Variants in TRPM3 observed in about 807,000 individuals in gnomAD.
TRPM3 encodes the protein long transient receptor potential channel 3.
TRPM3 carries 77 observed loss-of-function variants against 181.2 expected under a neutral mutation model. The observed-to-expected ratio is 0.42, with a 90% CI of 0.35 to 0.51. TRPM3 has a LOEUF of 0.51. Ranked by LOEUF, TRPM3 falls within the 20% of genes least tolerant of loss-of-function variation. The pLI, the probability that TRPM3 is intolerant of heterozygous loss-of-function variation, is 0.01. For synonymous variants in TRPM3, 745 were observed against 796.4 expected, an observed-to-expected ratio of 0.94 and a Z score of 1.09; for missense variants, 1,759 against 2,196.7, an observed-to-expected ratio of 0.80 and a Z score of 3.98.
chr9:71,279,923 AC>A (rs1403338014), intron 1 of TRPM3, among the ~76,000 whole-genome samples: 3 of 152,096 alleles, frequency 2.0e-5, no homozygotes, highest in Non-Finnish European at 4.4e-5. Context: ...ACTAAAAAAT[AC>A]AAAAATTAGC....
At position 70,548,970 on chromosome 9, in the gene TRPM3, A is replaced by G. The variant is rs575461640; in HGVS notation, c.3707+572T>C. Among the ~76,000 whole-genome samples the G allele has an allele frequency of 7.9e-5, 12 of 152,258 alleles. No homozygotes were observed. In the South Asian group the frequency reaches 1.5e-3, roughly 18 times the overall value. The stretch of plus-strand genomic sequence containing the variant: ...GAGATCTAAATGTATATAACCATTC[A>G]GTAGAAAAATCTGCTTTTATTATTT... On this transcript the variant is annotated intron_variant, in intron 25 of 25. Coordinates refer to ENST00000677713, the MANE Select transcript of TRPM3 (RefSeq NM_001366145.2).
chr9:70,681,149 C>T (rs2134236152), intron 9 of TRPM3, among the ~76,000 whole-genome samples: 1 of 152,148 alleles, frequency 6.6e-6, no homozygotes, highest in East Asian at 1.9e-4. Context: ...CATATACTCA[C>T]ACATATGCCA....
chr9:70,536,364 A>G lies in TRPM3; in HGVS notation c.4749T>C (p.Gly1583=). The G allele has an allele frequency of 6.2e-7, 1 of 1,613,578 alleles. No homozygotes were observed. Among genetic ancestry groups the G allele is most frequent in the Non-Finnish European group, 8.5e-7 (1 of 1,179,916 alleles). The part of the protein sequence containing the change: ...AIADRAAFPG[G]LGDKVEDLTC... ...TTAAGTCCTCCACTTTGTCTCCAAG[A>G]CCTCCAGGGAAGGCAGCTCTGTCCG... Residue 1583 remains glycine, a synonymous_variant, in exon 26 of 26, where the codon GGT becomes GGC. Transcript: ENST00000677713.
chr9:70,533,964 T>C lies in TRPM3; in HGVS notation c.*1989A>G, dbSNP rs1045433841. ...TGATTTCACAAAATAAAGTAAAACTTGGTGTTTTCAATTATAATTAAACAA... is the reference window on the plus strand; with the variant it reads ...TGATTTCACAAAATAAAGTAAAACTCGGTGTTTTCAATTATAATTAAACAA... On this transcript the variant is annotated 3_prime_UTR_variant, in exon 26 of 26. Transcript: ENST00000677713. 1.3e-5 allele frequency: 2 copies of C among 152,222 alleles called. No individual in the cohort carries two copies. The highest frequency in any genetic ancestry group is 2.9e-5 in the Non-Finnish European group (2 of 68,042). The allele number at this position is 152,222 out of a possible 1,614,324, so 9.4% of individuals were successfully genotyped here.
chr9:70,806,831 T>TAC (rs2090808396), intron 6 of TRPM3, among the ~76,000 whole-genome samples: 1 of 152,246 alleles, frequency 6.6e-6, no homozygotes, highest in Admixed American at 6.5e-5. Flanking sequence ...TCTTCAGTTT[T>TAC]ACATCCATTA....
intron 6 of TRPM3, among the ~76,000 whole-genome samples, chr9:70,790,049 A>G (rs2084981112): frequency 6.6e-6 from 1 of 152,204 alleles, no homozygotes; most frequent in African/African-American, 2.4e-5. Context: ...ATATGAAACC[A>G]TAATCTATGA....
intron 1 of TRPM3, among the ~76,000 whole-genome samples, chr9:71,059,736 C>T (rs2061090638): frequency 6.6e-6 from 1 of 152,096 alleles, no homozygotes; most frequent in Non-Finnish European, 1.5e-5. Context: ...CAATTCCTGT[C>T]TCAGTCTCCA....
At chr9:71,043,987 A>C (rs954237242) in intron 1 of TRPM3, among the ~76,000 whole-genome samples, 1 of 151,600 alleles carries the variant, frequency 6.6e-6, no homozygotes, top group Non-Finnish European at 1.5e-5. Context: ...ATTTTGTACT[A>C]CCCCAACTGA....
At chr9:70,677,479 C>T (rs973688873) in intron 9 of TRPM3, among the ~76,000 whole-genome samples, 2 of 152,198 alleles carry the variant, frequency 1.3e-5, no homozygotes, top group Admixed American at 1.3e-4. Flanking sequence ...AGCCAAGAAC[C>T]CTCATGGCCT....
chr9:70,887,313 T>C (rs548611617), intron 1 of TRPM3, among the ~76,000 whole-genome samples: 1 of 152,352 alleles, frequency 6.6e-6, no homozygotes, highest in East Asian at 1.9e-4. Context: ...AATTAAATAA[T>C]ATTTACTGAA....
chr9:70,793,640 G>A (rs1221871724), intron 6 of TRPM3: 1 of 470,408 alleles, frequency 2.1e-6, no homozygotes, highest in Non-Finnish European at 4.4e-6. Flanking sequence ...CTCTAAGGCA[G>A]TCTTCACCTG....
rs534478479 is a variant in TRPM3, at chr9:70,916,765, G to T, written c.178-52254C>A. On this transcript the variant is annotated intron_variant, in intron 1 of 25. Coordinates refer to ENST00000677713, the MANE Select transcript of TRPM3 (RefSeq NM_001366145.2). ...AGAAAGAAAATACAAGCAGCACTTT[G>T]TTATATGGAAAAATGCTTCAGCTCA... Among the ~76,000 whole-genome samples the T allele has an allele frequency of 2.5e-3, 383 of 151,384 alleles. 1 individual carries two copies. Among genetic ancestry groups the T allele is most frequent in the African/African-American group, 9.1e-3 (371 of 40,676 alleles).
intron 1 of TRPM3, among the ~76,000 whole-genome samples, chr9:71,185,510 C>A (rs558152843): frequency 2.4e-4 from 36 of 152,084 alleles, no homozygotes; most frequent in Non-Finnish European, 4.7e-4. Flanking sequence ...CAGGTAAGAA[C>A]TATACTGTTA....
chr9:70,631,953 T>C (rs374370103), intron 12 of TRPM3, among the ~76,000 whole-genome samples: 1 of 152,210 alleles, frequency 6.6e-6, no homozygotes, highest in Non-Finnish European at 1.5e-5. Flanking sequence ...GTTTTACAGA[T>C]GTATTATCAA....
chr9:70,671,819 C>T (rs2134083204), intron 9 of TRPM3, among the ~76,000 whole-genome samples: 1 of 152,272 alleles, frequency 6.6e-6, no homozygotes, highest in East Asian at 1.9e-4. Flanking sequence ...GGCTGGAGTG[C>T]AGTGGCATGA....
At chr9:71,181,119 T>C (rs942422058) in intron 1 of TRPM3, among the ~76,000 whole-genome samples, 1 of 152,096 alleles carries the variant, frequency 6.6e-6, no homozygotes, top group East Asian at 1.9e-4. Context: ...CTTTAAAAAA[T>C]ATTCCTACTT....
At chr9:70,809,126 G>C (rs1020687059) in intron 6 of TRPM3, among the ~76,000 whole-genome samples, 1 of 152,166 alleles carries the variant, frequency 6.6e-6, no homozygotes, top group African/African-American at 2.4e-5. Flanking sequence ...AAAGCTCATA[G>C]AATAAGCAAA....
At chr9:71,058,990 C>A (rs886539965) in intron 1 of TRPM3, among the ~76,000 whole-genome samples, 1 of 95,752 alleles carries the variant, frequency 1.0e-5, no homozygotes, top group African/African-American at 3.8e-5. Context: ...TCTATAATTT[C>A]TCTGAAGTTT....
At chr9:70,667,632 T>C (rs1229442380) in intron 9 of TRPM3, among the ~76,000 whole-genome samples, 1 of 152,228 alleles carries the variant, frequency 6.6e-6, no homozygotes, top group Non-Finnish European at 1.5e-5. Context: ...TGTCTGCTTC[T>C]TAAAAAATAC....
Sources: gnomAD v4.1 joint callset for allele counts (sites outside exome capture counted in the v4.1 genomes callset) on GRCh38, gnomAD v4.1.1 for gene constraint, MANE v1.5 for transcripts, NCBI Gene and HGNC (gene_info 2026-07-23, HGNC 2026-07-21) for gene names.